The following MALRD1 variants were observed in gnomAD, a reference collection of about 807,000 sequenced individuals.
The protein encoded by MALRD1 is MAM and LDL-receptor class A domain-containing protein 1.
In MALRD1, 247 loss-of-function variants were observed where a neutral mutation model predicts 242.1. The observed-to-expected ratio is 1.02, with a 90% CI of 0.92 to 1.13. MALRD1 has a LOEUF of 1.13. Ranked by LOEUF, MALRD1 falls within the 50% of genes most tolerant of loss-of-function variation. The probability of loss-of-function intolerance (pLI) is 0.00; values close to 1 mark genes in which losing one functional copy is unlikely to be tolerated. For synonymous variants in MALRD1, 995 were observed against 866.6 expected (o/e 1.15, Z -2.60); for missense variants, 2,989 against 2,533.1 (o/e 1.18, Z -3.86).
chr10:19,299,829 C>T (rs1368473523), intron 21 of MALRD1, among the ~76,000 whole-genome samples: 1 of 151,838 alleles, frequency 6.6e-6, no homozygotes, highest in Non-Finnish European at 1.5e-5. Flanking sequence ...TGCCCACTCT[C>T]GTCACTCCTA....
At chr10:19,703,872 G>T (rs909029159) in intron 38 of MALRD1, among the ~76,000 whole-genome samples, 4 of 152,164 alleles carry the variant, frequency 2.6e-5, no homozygotes, top group Non-Finnish European at 5.9e-5. Flanking sequence ...TCCAGTCTAG[G>T]TGACAGAGCA....
intron 29 of MALRD1, among the ~76,000 whole-genome samples, chr10:19,454,141 A>G (rs188496542): frequency 2.0e-5 from 3 of 149,226 alleles, no homozygotes; most frequent in Non-Finnish European, 4.4e-5. Context: ...TCCTCACACA[A>G]AACAGTCAGA....
Position 19,530,381 on chromosome 10 carries a change from A to AT in MALRD1, c.5321-811dup, listed in dbSNP as rs11312996. Reference sequence around the variant, plus strand: ...TATTTATATAAATATTTATATAAATATTATATATTTATATAAATATTATAT... The same window carrying AT: ...TATTTATATAAATATTTATATAAATATTTATATATTTATATAAATATTATAT... On this transcript the variant is annotated intron_variant, in intron 31 of 39. Transcript: ENST00000454679. Among the ~76,000 whole-genome samples, 190 of 90,214 alleles carry AT rather than the reference A, an allele frequency of 2.1e-3. 8 individuals are homozygous for AT. Among genetic ancestry groups the AT allele is most frequent in the African/African-American group, 7.5e-3 (137 of 18,286 alleles). The allele number at this position is 90,214 out of a possible 152,430, so 59.2% of individuals were successfully genotyped here.
chr10:19,198,900 T>C (rs1588686263), intron 14 of MALRD1, among the ~76,000 whole-genome samples: 1 of 152,202 alleles, frequency 6.6e-6, no homozygotes, highest in Non-Finnish European at 1.5e-5. Context: ...TATTAACTAT[T>C]GATGAAGTCT....
At chr10:19,145,846 A>AT (rs1158569953) in intron 10 of MALRD1, among the ~76,000 whole-genome samples, 1 of 151,852 alleles carries the variant, frequency 6.6e-6, no homozygotes, top group African/African-American at 2.4e-5. Flanking sequence ...TTCCCAGTGG[A>AT]TTTTTTTCAT....
chr10:19,577,271 G>C (rs1478720980), intron 33 of MALRD1, among the ~76,000 whole-genome samples: 1 of 152,062 alleles, frequency 6.6e-6, no homozygotes, highest in Non-Finnish European at 1.5e-5. Flanking sequence ...AATATTATTA[G>C]ATTTTAAATC....
In MALRD1 at chr10:19,497,114, C is replaced by T. The variant is rs1589157691; in HGVS notation, c.5159-1371C>T. 2.6e-5 allele frequency among the ~76,000 whole-genome samples: 4 copies of T among 152,072 alleles called. No individual in the cohort carries two copies. The South Asian group carries it at 8.3e-4, about 32-fold the overall frequency. ...AGGATGCGGAATAAATATTGTAGGG[C>T]TGTATATCAGGGAGTCACTTACATA... is the stretch of plus-strand genomic sequence containing the variant. On this transcript the variant is annotated intron_variant, in intron 30 of 39. Coordinates refer to ENST00000454679, the MANE Select transcript of MALRD1 (RefSeq NM_001142308.3).
In MALRD1 at chr10:19,666,341, C is replaced by T. The variant is rs982548095; in HGVS notation, c.6138-25941C>T. ...ATCTTTTCATTCTTTTTGTCACATT[C>T]TGGACGTTGTCATCACCTACAGCTA... On this transcript the variant is annotated intron_variant, in intron 36 of 39. Transcript: ENST00000454679. Among the ~76,000 whole-genome samples the T allele has an allele frequency of 3.3e-5, 5 of 152,246 alleles. No homozygotes were observed. In the East Asian group the frequency reaches 5.8e-4, roughly 18 times the overall value.
intron 19 of MALRD1, among the ~76,000 whole-genome samples, chr10:19,270,319 CTCTCTCT>C (rs1840156311): frequency 1.0e-5 from 1 of 97,898 alleles, no homozygotes; most frequent in African/African-American, 5.1e-5. Context: ...TCTCTCTCTT[CTCTCTCT>C]CTCTCTCTCT....
chr10:19,331,317 G>A, intron 23 of MALRD1, 52 bp from the exon 24 acceptor site: 1 of 1,399,974 alleles, frequency 7.1e-7, no homozygotes, highest in Non-Finnish European at 9.9e-7. Flanking sequence ...TGTTTGCCCA[G>A]GTTTTGAACT....
At chr10:19,389,052 T>C (rs1846218174) in intron 27 of MALRD1, 1 of 337,374 alleles carries the variant, frequency 3.0e-6, no homozygotes, top group South Asian at 2.4e-5. Flanking sequence ...GTGTTATATT[T>C]ACACACTCAA....
At chr10:19,198,097 G>A (rs1013684459) in intron 14 of MALRD1, among the ~76,000 whole-genome samples, 1 of 152,128 alleles carries the variant, frequency 6.6e-6, no homozygotes, top group Non-Finnish European at 1.5e-5. Context: ...CATGATCTCG[G>A]CTCACTGCAA....
Position 19,234,552 on chromosome 10 carries a change from TG to T in MALRD1, c.2992-23131del, listed in dbSNP as rs369452912. On this transcript the variant is annotated intron_variant, in intron 18 of 39. Transcript: ENST00000454679. Reference sequence around the variant, plus strand: ...CAATGAATTAATTGCCTGAAATAAATGAAACTTAAGCAGCAAAAGTGAACTT... The same window carrying T: ...CAATGAATTAATTGCCTGAAATAAATAAACTTAAGCAGCAAAAGTGAACTT... 7.4e-3 allele frequency among the ~76,000 whole-genome samples: 1,122 copies of T among 152,180 alleles called. 12 individuals carry two copies. The highest frequency in any genetic ancestry group is 0.026 in the African/African-American group (1,080 of 41,528).
Position 19,606,922 on chromosome 10 carries a change from T to A in MALRD1, c.5945-855T>A, listed in dbSNP as rs184836748. 2.6e-3 allele frequency among the ~76,000 whole-genome samples: 400 copies of A among 152,220 alleles called. 2 individuals carry two copies. Among genetic ancestry groups the A allele is most frequent in the African/African-American group, 9.3e-3 (388 of 41,548 alleles). On this transcript the variant is annotated intron_variant, in intron 34 of 39. Coordinates refer to ENST00000454679, the MANE Select transcript of MALRD1 (RefSeq NM_001142308.3). ...TAAAGAAAGGAAGAACATAATACAA[T>A]TTTAGGATAATTATTTTAGGAAAAC...
chr10:19,272,959 G>A (rs1355444831), intron 19 of MALRD1, among the ~76,000 whole-genome samples: 1 of 152,060 alleles, frequency 6.6e-6, no homozygotes, highest in Non-Finnish European at 1.5e-5. Flanking sequence ...GGTTCCAAAT[G>A]TTTGCTATTG....
intron 19 of MALRD1, among the ~76,000 whole-genome samples, chr10:19,262,900 C>G (rs1839816993): frequency 6.6e-6 from 1 of 152,122 alleles, no homozygotes; most frequent in South Asian, 2.1e-4. Context: ...CTTTCTGTGT[C>G]TGTCTTATTT....
At chr10:19,685,472 T>G (rs1480636074) in intron 36 of MALRD1, among the ~76,000 whole-genome samples, 3 of 152,142 alleles carry the variant, frequency 2.0e-5, no homozygotes, top group African/African-American at 7.2e-5. Context: ...GTAGAAGCAT[T>G]AAAGTTTGTG....
intron 26 of MALRD1, among the ~76,000 whole-genome samples, chr10:19,354,185 G>T (rs369382760): frequency 6.6e-6 from 1 of 152,042 alleles, no homozygotes; most frequent in Non-Finnish European, 1.5e-5. Context: ...TCTGCAACAG[G>T]AAAGTTTTAA....
At chr10:19,448,038 A>T (rs186512262) in intron 28 of MALRD1, among the ~76,000 whole-genome samples, 1 of 152,332 alleles carries the variant, frequency 6.6e-6, no homozygotes, top group Admixed American at 6.5e-5. Context: ...TGCTCTCGGT[A>T]ACCATGGAGA....
Sources: allele counts gnomAD v4.1 joint callset (sites outside exome capture counted in the v4.1 genomes callset), GRCh38; gene constraint gnomAD v4.1.1; transcripts MANE v1.5; gene names NCBI Gene and HGNC (gene_info 2026-07-23, HGNC 2026-07-21).